CNTN5: variants seen among roughly 807,000 people sequenced by gnomAD.
CNTN5 encodes contactin 5, also known as contactin-5.
Under a neutral mutation model 129.1 loss-of-function variants are expected in CNTN5, and 77 were observed. The observed-to-expected ratio is 0.60, with a 90% CI of 0.50 to 0.72. The LOEUF (loss-of-function observed/expected upper bound fraction) is 0.72. Among genes scored for constraint, CNTN5 ranks in the 30% least tolerant of loss-of-function variants. The pLI is 0.00. For missense variants in CNTN5, 1,478 were observed against 1,328.8 expected, an observed-to-expected ratio of 1.11 and a Z score of -1.75; for synonymous variants, 509 against 465.6, an observed-to-expected ratio of 1.09 and a Z score of -1.20.
chr11:100,287,125 G>A (rs557377630), intron 18 of CNTN5, among the ~76,000 whole-genome samples: 12 of 152,142 alleles, frequency 7.9e-5, no homozygotes, highest in Non-Finnish European at 1.0e-4. Context: ...CCAAATCTAC[G>A]TCTGATTGGT....
At chr11:99,615,126 G>T (rs1950720534) in intron 3 of CNTN5, among the ~76,000 whole-genome samples, 2 of 149,704 alleles carry the variant, frequency 1.3e-5, no homozygotes, top group East Asian at 3.9e-4. Context: ...AATGTATCTT[G>T]CCGAGGAAGA....
chr11:99,949,778 C>A (rs1950631751), intron 7 of CNTN5, among the ~76,000 whole-genome samples: 1 of 152,096 alleles, frequency 6.6e-6, no homozygotes, highest in Non-Finnish European at 1.5e-5. Context: ...TGCTGTCACC[C>A]AGTTGGTATA....
At position 99,038,653 on chromosome 11, in the gene CNTN5, T is replaced by A. The variant is rs1332623213; in HGVS notation, c.-210+17383T>A. Among the ~76,000 whole-genome samples the A allele has an allele frequency of 2.6e-5, 4 of 152,120 alleles. No individual in the cohort carries two copies. The East Asian group carries it at 7.7e-4, about 29-fold the overall frequency. The stretch of plus-strand genomic sequence containing the variant: ...GCAGTAGACCAACGCTTCTTTTAGC[T>A]CTGCTGAAACATGAACAAATACTTT... On this transcript the variant is annotated intron_variant, in intron 1 of 24. Coordinates refer to ENST00000524871, the MANE Select transcript of CNTN5 (RefSeq NM_014361.4).
chr11:100,286,220 G>C (rs578078644), intron 18 of CNTN5, among the ~76,000 whole-genome samples: 1 of 152,216 alleles, frequency 6.6e-6, no homozygotes, highest in African/African-American at 2.4e-5. Context: ...GGTAAACAAA[G>C]CAGCAGGGAA....
intron 6 of CNTN5, among the ~76,000 whole-genome samples, chr11:99,881,311 A>T (rs1948765594): frequency 6.6e-6 from 1 of 152,186 alleles, no homozygotes; most frequent in Non-Finnish European, 1.5e-5. Flanking sequence ...GTTGAATTAT[A>T]ATGATTATAC....
At chr11:99,518,122 C>T (rs1947129980) in intron 2 of CNTN5, among the ~76,000 whole-genome samples, 1 of 151,966 alleles carries the variant, frequency 6.6e-6, no homozygotes, top group Non-Finnish European at 1.5e-5. Flanking sequence ...TATTTCATAT[C>T]TGTGTGTGTG....
intron 13 of CNTN5, among the ~76,000 whole-genome samples, chr11:100,176,525 C>T (rs775555805): frequency 6.6e-6 from 1 of 151,882 alleles, no homozygotes; most frequent in African/African-American, 2.4e-5. Flanking sequence ...GTAACAAATG[C>T]TATGATGAAG....
intron 2 of CNTN5, among the ~76,000 whole-genome samples, chr11:99,459,780 C>G (rs1466834510): frequency 6.6e-6 from 1 of 151,818 alleles, no homozygotes; most frequent in Non-Finnish European, 1.5e-5. Context: ...GGCAATGTGT[C>G]TTATGAGAGA....
intron 1 of CNTN5, among the ~76,000 whole-genome samples, chr11:99,212,055 G>T (rs1364572194): frequency 6.6e-6 from 1 of 152,138 alleles, no homozygotes; most frequent in Admixed American, 6.5e-5. Flanking sequence ...ATAAGACAAT[G>T]AAACTTTTTG....
At chr11:100,052,481 T>C (rs1268429228) in intron 9 of CNTN5, among the ~76,000 whole-genome samples, 3 of 151,752 alleles carry the variant, frequency 2.0e-5, no homozygotes, top group Non-Finnish European at 1.5e-5. Flanking sequence ...CTAAAATTAA[T>C]ATTTAGGGAT....
intron 4 of CNTN5, 43 bp from the exon 5 acceptor site, chr11:99,844,809 C>T (rs1415821772): frequency 6.4e-7 from 1 of 1,560,526 alleles, no homozygotes. Flanking sequence ...AAATATCTTG[C>T]TAGTTTAAGG....
rs748684510 is a variant in CNTN5 at position 99,957,059 on chromosome 11, T to C, written c.877+50T>C. On this transcript the variant is annotated intron_variant, in intron 8 of 24. Transcript: ENST00000524871. ...GGTCAGCCAACTCTAATTTGGAAAA[T>C]AAAGATGTATTAGTGTGTGTTTTTT... The C allele has an allele frequency of 8.0e-6, 12 of 1,491,282 alleles. No individual in the cohort carries two copies. The South Asian group carries it at 1.3e-4, about 17-fold the overall frequency. The allele number at this position is 1,491,282 out of a possible 1,614,324, so 92.4% of individuals were successfully genotyped here.
intron 3 of CNTN5, among the ~76,000 whole-genome samples, chr11:99,774,474 T>A (rs1466696931): frequency 2.7e-5 from 4 of 145,976 alleles, no homozygotes; most frequent in African/African-American, 9.9e-5. Flanking sequence ...CCAATTTTTT[T>A]AAGAAATTCA....
chr11:100,333,408 GAAAA>G (rs547220238), intron 21 of CNTN5, among the ~76,000 whole-genome samples: 1,124 of 74,340 alleles, frequency 0.015, 9 homozygotes, highest in African/African-American at 0.055. Context: ...CACTGAATTA[GAAAA>G]AAAAAAAAAA....
intron 1 of CNTN5, among the ~76,000 whole-genome samples, chr11:99,304,242 C>T (rs1157595559): frequency 1.3e-5 from 2 of 152,140 alleles, no homozygotes; most frequent in African/African-American, 4.8e-5. Flanking sequence ...CCCCACCAAA[C>T]ACTATAAATG....
intron 2 of CNTN5, among the ~76,000 whole-genome samples, chr11:99,544,196 C>T (rs773774872): frequency 6.6e-5 from 10 of 152,078 alleles, no homozygotes; most frequent in Non-Finnish European, 1.2e-4. Context: ...TGTGAGAACT[C>T]GCTCACTATT....
At chr11:99,487,134 G>A (rs957758234) in intron 2 of CNTN5, among the ~76,000 whole-genome samples, 1 of 152,332 alleles carries the variant, frequency 6.6e-6, no homozygotes, top group African/African-American at 2.4e-5. Flanking sequence ...ACAGATCACA[G>A]AAGACATTTA....
intron 3 of CNTN5, among the ~76,000 whole-genome samples, chr11:99,658,888 C>CAAAAAA (rs10673721): frequency 1.7e-5 from 2 of 119,196 alleles, no homozygotes; most frequent in Non-Finnish European, 1.7e-5. Context: ...AACTCTGTCT[C>CAAAAAA]AAAAAAAAAA....
intron 1 of CNTN5, among the ~76,000 whole-genome samples, chr11:99,321,051 T>G (rs1865548981): frequency 6.6e-6 from 1 of 152,128 alleles, no homozygotes; most frequent in Non-Finnish European, 1.5e-5. Context: ...TTTTCTTCCT[T>G]CAGACTTTGA....
Sources: allele counts gnomAD v4.1 joint callset (sites outside exome capture counted in the v4.1 genomes callset), GRCh38; gene constraint gnomAD v4.1.1; transcripts MANE v1.5; gene names NCBI Gene and HGNC (gene_info 2026-07-23, HGNC 2026-07-21).